COMMD1: variants seen among roughly 807,000 people sequenced by gnomAD.
The protein encoded by COMMD1 is copper metabolism domain containing 1.
In COMMD1, 10 loss-of-function variants were observed where a neutral mutation model predicts 17.2. That is an observed-to-expected ratio of 0.58 (90% CI 0.36 to 0.99). COMMD1 has a LOEUF of 0.99. Ranked by LOEUF, COMMD1 falls within the 50% of genes least tolerant of loss-of-function variation. The pLI is 0.01. For missense variants in COMMD1, 270 were observed against 231.8 expected (o/e 1.17, Z -1.07); for synonymous variants, 97 against 91.6 (o/e 1.06, Z -0.34).
chr2:61,948,106 C>T (rs751883764), intron 1 of COMMD1, among the ~76,000 whole-genome samples: 1 of 151,966 alleles, frequency 6.6e-6, no homozygotes, highest in Non-Finnish European at 1.5e-5. Context: ...GAAGACATAT[C>T]TTTTAATAAA....
chr2:62,031,408 GC>G (rs369404351), intron 2 of COMMD1, among the ~76,000 whole-genome samples: 66 of 152,302 alleles, frequency 4.3e-4, no homozygotes, highest in Non-Finnish European at 7.9e-4. Flanking sequence ...TTGCTACAGA[GC>G]ATAGATACTT....
At chr2:61,916,059 C>G (rs900801109) in intron 1 of COMMD1, among the ~76,000 whole-genome samples, 2 of 151,786 alleles carry the variant, frequency 1.3e-5, no homozygotes, top group Non-Finnish European at 2.9e-5. Flanking sequence ...CAGTCTTGAC[C>G]TGTCGGGCTC....
intron 1 of COMMD1, among the ~76,000 whole-genome samples, chr2:61,981,278 T>G (rs1274663408): frequency 6.6e-6 from 1 of 152,200 alleles, no homozygotes; most frequent in East Asian, 1.9e-4. Context: ...GTTTCATAGT[T>G]TGAGGTCCTA....
At chr2:61,925,591 A>G (rs774709569) in intron 1 of COMMD1, among the ~76,000 whole-genome samples, 1 of 152,138 alleles carries the variant, frequency 6.6e-6, no homozygotes, top group Non-Finnish European at 1.5e-5. Flanking sequence ...TGATAAGTGA[A>G]GTCTGCTGGC....
At chr2:61,899,325 CT>C (rs1669612266) in intron 1 of COMMD1, among the ~76,000 whole-genome samples, 1 of 152,030 alleles carries the variant, frequency 6.6e-6, no homozygotes, top group Non-Finnish European at 1.5e-5. Context: ...ACAAACAGAC[CT>C]TGTTAAAATA....
intron 1 of COMMD1, among the ~76,000 whole-genome samples, chr2:61,945,902 C>G (rs1042577166): frequency 1.3e-5 from 2 of 152,088 alleles, no homozygotes; most frequent in African/African-American, 4.8e-5. Context: ...GATTAAACTT[C>G]CAGGTAGCGG....
intron 1 of COMMD1, among the ~76,000 whole-genome samples, chr2:61,995,313 C>G (rs896038362): frequency 1.3e-5 from 2 of 152,126 alleles, no homozygotes; most frequent in Non-Finnish European, 2.9e-5. Flanking sequence ...TTAGTGGCCC[C>G]TCATTACGTA....
chr2:62,025,846 G>T (rs1669739349), intron 2 of COMMD1, among the ~76,000 whole-genome samples: 1 of 152,014 alleles, frequency 6.6e-6, no homozygotes, highest in African/African-American at 2.4e-5. Flanking sequence ...GTGCTACCAT[G>T]CCCGGCTAAT....
intron 2 of COMMD1, among the ~76,000 whole-genome samples, chr2:62,100,820 G>A (rs1337928893): frequency 6.6e-6 from 1 of 152,122 alleles, no homozygotes; most frequent in African/African-American, 2.4e-5. Flanking sequence ...GGAGGACCTG[G>A]AAGAAAAAGA....
intron 2 of COMMD1, among the ~76,000 whole-genome samples, chr2:62,050,080 G>A (rs1203718401): frequency 1.3e-5 from 2 of 152,158 alleles, no homozygotes; most frequent in African/African-American, 4.8e-5. Flanking sequence ...TTAACATGCA[G>A]ATGAAACACC....
At chr2:62,024,311 G>A (rs894485803) in intron 2 of COMMD1, among the ~76,000 whole-genome samples, 1 of 152,050 alleles carries the variant, frequency 6.6e-6, no homozygotes, top group African/African-American at 2.4e-5. Flanking sequence ...CTGCCTCCCG[G>A]GTTCAAGCAA....
intron 2 of COMMD1, among the ~76,000 whole-genome samples, chr2:62,006,385 A>G (rs966334332): frequency 1.3e-5 from 2 of 152,152 alleles, no homozygotes; most frequent in South Asian, 2.1e-4. Context: ...AGCCAAGTAC[A>G]TACATAACCT....
chr2:61,927,154 G>A (rs893252275), intron 1 of COMMD1, among the ~76,000 whole-genome samples: 3 of 152,162 alleles, frequency 2.0e-5, no homozygotes, highest in African/African-American at 7.2e-5. Context: ...GTAAGGCAGC[G>A]ATGGGGAGAT....
intron 2 of COMMD1, among the ~76,000 whole-genome samples, chr2:62,061,173 C>T (rs914309431): frequency 7.2e-5 from 11 of 152,048 alleles, no homozygotes; most frequent in South Asian, 2.1e-4. Flanking sequence ...CTTCTAATTC[C>T]GACACCTAGG....
chr2:62,113,375 T>C (rs1348357165), intron 2 of COMMD1, among the ~76,000 whole-genome samples: 4 of 152,036 alleles, frequency 2.6e-5, no homozygotes, highest in Non-Finnish European at 1.5e-5. Context: ...TATATGTATA[T>C]GATTTTCTGG....
intron 1 of COMMD1, among the ~76,000 whole-genome samples, chr2:61,909,765 C>A (rs560609028): frequency 1.3e-5 from 2 of 152,138 alleles, no homozygotes; most frequent in Non-Finnish European, 2.9e-5. Context: ...AGGGTAGAAG[C>A]AAAGGAAGGA....
intron 1 of COMMD1, among the ~76,000 whole-genome samples, chr2:61,985,146 G>T (rs552078800): frequency 2.0e-5 from 3 of 151,778 alleles, no homozygotes; most frequent in African/African-American, 7.2e-5. Flanking sequence ...CGCCTCCCAG[G>T]TTAATGCCAT....
intron 1 of COMMD1, among the ~76,000 whole-genome samples, chr2:61,985,296 C>T (rs577545549): frequency 3.2e-4 from 48 of 152,202 alleles, no homozygotes; most frequent in East Asian, 1.2e-3. Flanking sequence ...GTGATCCGCC[C>T]GCCTTGGCCT....
At chr2:62,071,158 C>T (rs1397985648) in intron 2 of COMMD1, among the ~76,000 whole-genome samples, 6 of 152,260 alleles carry the variant, frequency 3.9e-5, no homozygotes, top group East Asian at 3.9e-4. Flanking sequence ...GTGAGTTTTC[C>T]GGGAAAGGGG....
Sources: gnomAD v4.1 joint callset for allele counts (sites outside exome capture counted in the v4.1 genomes callset) on GRCh38, gnomAD v4.1.1 for gene constraint, MANE v1.5 for transcripts, NCBI Gene and HGNC (gene_info 2026-07-23, HGNC 2026-07-21) for gene names.